The following KLHL4 variants were observed in gnomAD, a reference collection of about 807,000 sequenced individuals.
KLHL4 encodes kelch like family member 4.
Under a neutral mutation model 45.8 loss-of-function variants are expected in KLHL4, and 17 were observed. The observed-to-expected ratio is 0.37, with a 90% confidence interval of 0.25 to 0.56. The LOEUF is 0.56. Ranked by LOEUF, KLHL4 falls within the 20% of genes least tolerant of loss-of-function variation. KLHL4 has a pLI of 0.79. For synonymous variants in KLHL4, 224 were observed against 189.9 expected, an observed-to-expected ratio of 1.18 and a Z score of -1.47; for missense variants, 544 against 544.9, an observed-to-expected ratio of 1.00 and a Z score of 0.02.
chrX:87,585,949 G>A (rs1235639213), intron 1 of KLHL4, among the ~76,000 whole-genome samples: 4 of 110,774 alleles, frequency 3.6e-5, no homozygotes, highest in Non-Finnish European at 5.7e-5. Flanking sequence ...CATGCCTTTG[G>A]AAACCAAAAA....
chrX:87,603,725 C>A (rs958195454), intron 1 of KLHL4, among the ~76,000 whole-genome samples: 5 of 109,802 alleles, frequency 4.6e-5, no homozygotes, highest in Admixed American at 2.9e-4. Flanking sequence ...GTATTTATTT[C>A]TTTGTGCTGA....
intron 1 of KLHL4, among the ~76,000 whole-genome samples, chrX:87,574,921 T>C (rs1196140728): frequency 8.9e-6 from 1 of 111,876 alleles, no homozygotes; most frequent in Non-Finnish European, 1.9e-5. Context: ...GCAGTTATTA[T>C]TAATATTATT....
intron 1 of KLHL4, among the ~76,000 whole-genome samples, chrX:87,548,147 T>TA (rs935590992): frequency 1.8e-5 from 2 of 111,843 alleles, no homozygotes; most frequent in African/African-American, 6.5e-5. Flanking sequence ...GGAGCTCTGA[T>TA]ATGTCTGGCA....
intron 1 of KLHL4, among the ~76,000 whole-genome samples, chrX:87,521,004 A>G (rs1319457228): frequency 8.9e-6 from 1 of 112,005 alleles, no homozygotes; most frequent in Admixed American, 9.5e-5. Flanking sequence ...TTTGTGTTCG[A>G]AGACATTGAA....
chrX:87,660,834 A>C (rs1360542771), intron 9 of KLHL4, among the ~76,000 whole-genome samples: 3 of 112,383 alleles, frequency 2.7e-5, no homozygotes, highest in Admixed American at 9.5e-5. Context: ...ACAGAATGAG[A>C]CTCTGTCTTT....
At chrX:87,656,916 G>C (rs1924009491) in intron 9 of KLHL4, among the ~76,000 whole-genome samples, 2 of 111,705 alleles carry the variant, frequency 1.8e-5, no homozygotes, top group Admixed American at 1.9e-4. Context: ...GATCATTCAA[G>C]ATCAGGCTTT....
chrX:87,535,644 T>C (rs945632770), intron 1 of KLHL4, among the ~76,000 whole-genome samples: 5 of 110,913 alleles, frequency 4.5e-5, no homozygotes, highest in African/African-American at 1.6e-4. Flanking sequence ...TGGTTGGGGA[T>C]TCATCCGGTC....
intron 9 of KLHL4, among the ~76,000 whole-genome samples, chrX:87,650,012 A>G (rs1923758090): frequency 9.0e-6 from 1 of 111,394 alleles, no homozygotes; most frequent in African/African-American, 3.3e-5. Flanking sequence ...GAGATTCTAT[A>G]TGGAGTTAGG....
chrX:87,595,362 A>G (rs1385706821), intron 1 of KLHL4, among the ~76,000 whole-genome samples: 1 of 112,297 alleles, frequency 8.9e-6, no homozygotes, highest in East Asian at 2.8e-4. Context: ...ACAATCTACC[A>G]TGCACAGTAT....
At chrX:87,601,947 T>A (rs1259944742) in intron 1 of KLHL4, among the ~76,000 whole-genome samples, 1 of 111,005 alleles carries the variant, frequency 9.0e-6, no homozygotes, top group Non-Finnish European at 1.9e-5. Context: ...TTTAGTGACA[T>A]CTTAATAATC....
In KLHL4 at chrX:87,635,726, G is replaced by A. The variant is rs2147826067; in HGVS notation, c.1876G>A (p.Asp626Asn). The change falls in exon 9 of 11, where the codon GAT becomes AAT. Residue 626 changes from aspartate (D) to asparagine (N), a missense_variant. Coordinates refer to ENST00000373119, the MANE Select transcript of KLHL4 (RefSeq NM_019117.5). ...NGFLYVVGGH[D>N]APASNHCSRL... The stretch of plus-strand genomic sequence containing the variant: ...ATTCTTATATGTTGTAGGGGGGCAT[G>A]ATGCCCCTGCTTCCAACCATTGCTC... 1 of 1,204,612 alleles carries A rather than the reference G, an allele frequency of 8.3e-7. No individual in the cohort carries two copies. Among genetic ancestry groups the A allele is most frequent in the Non-Finnish European group, 1.1e-6 (1 of 890,278 alleles).
In KLHL4 at chrX:87,622,149, T is replaced by C. The variant is rs189661051; in HGVS notation, c.925-62T>C. 42 of 710,339 alleles carry C rather than the reference T, an allele frequency of 5.9e-5. No homozygotes were observed. In the Admixed American group the frequency reaches 8.6e-4, roughly 15 times the overall value. 58.5% of individuals were successfully genotyped at this position (710,339 alleles called of 1,213,427 possible). A position where few individuals can be genotyped will look rare whatever the true frequency, so the allele number is the denominator to read the frequency against. On this transcript the variant is annotated intron_variant, in intron 4 of 10. Transcript: ENST00000373119. ...TTTAAGAACATGAAATTCTTTGATATGCTTATTCCATTAAGAAATTTCTAA... is the reference window on the plus strand; with the variant it reads ...TTTAAGAACATGAAATTCTTTGATACGCTTATTCCATTAAGAAATTTCTAA...
chrX:87,584,247 C>T (rs973731944), intron 1 of KLHL4, among the ~76,000 whole-genome samples: 2 of 111,759 alleles, frequency 1.8e-5, no homozygotes, highest in African/African-American at 6.5e-5. Flanking sequence ...ACATCTATAA[C>T]TAAGCCCAGA....
chrX:87,634,240 CTTTTTTACAT>C (rs1923189814), intron 8 of KLHL4, among the ~76,000 whole-genome samples: 1 of 111,421 alleles, frequency 9.0e-6, no homozygotes, highest in Admixed American at 9.5e-5. Context: ...GAAGTTACTA[CTTTTTTACAT>C]TATGATTTAT....
Position 87,664,986 on chromosome X carries a change from G to A in KLHL4, c.2097+51G>A, listed in dbSNP as rs754370049. On this transcript the variant is annotated intron_variant, in intron 10 of 10. Transcript: ENST00000373119. ...ACTATATTTCAGGTTTTAAAAAGAA[G>A]ATATTAAATTATATTTTTGAAATTA... 4.9e-6 allele frequency: 4 copies of A among 811,174 alleles called. No individual in the cohort carries two copies. In the Admixed American group the frequency reaches 9.8e-5, roughly 20 times the overall value. The allele number at this position is 811,174 out of a possible 1,213,427, so 66.8% of individuals were successfully genotyped here. A position where few individuals can be genotyped will look rare whatever the true frequency, so the allele number is the denominator to read the frequency against.
chrX:87,640,738 G>A (rs973735699), intron 9 of KLHL4, among the ~76,000 whole-genome samples: 1 of 111,319 alleles, frequency 9.0e-6, no homozygotes, highest in African/African-American at 3.3e-5. Flanking sequence ...ACATAATACT[G>A]AACAGGGAAA....
chrX:87,607,670 A>G (rs970220410), intron 1 of KLHL4, among the ~76,000 whole-genome samples: 2 of 112,138 alleles, frequency 1.8e-5, no homozygotes. Context: ...AATGCTACAT[A>G]GTCCTAATGT....
At chrX:87,616,734 C>A (rs1268181658) in intron 3 of KLHL4, among the ~76,000 whole-genome samples, 1 of 111,623 alleles carries the variant, frequency 9.0e-6, no homozygotes, top group African/African-American at 3.2e-5. Flanking sequence ...ATGTCTATAG[C>A]AGATGAATAT....
chrX:87,603,993 T>C (rs1430518246), intron 1 of KLHL4, among the ~76,000 whole-genome samples: 2 of 111,043 alleles, frequency 1.8e-5, no homozygotes, highest in African/African-American at 3.3e-5. Context: ...CATGTGGTAT[T>C]TGTCTTTCAG....
Sources: allele counts gnomAD v4.1 joint callset (sites outside exome capture counted in the v4.1 genomes callset), GRCh38; gene constraint gnomAD v4.1.1; transcripts MANE v1.5; gene names NCBI Gene and HGNC (gene_info 2026-07-23, HGNC 2026-07-21).